Variants in TRIM37 observed in about 807,000 individuals in gnomAD.
TRIM37 encodes E3 ubiquitin-protein ligase TRIM37.
A neutral mutation model predicts 129.8 loss-of-function variants in TRIM37; 80 were observed. The observed-to-expected ratio is 0.62, with a 90% confidence interval of 0.51 to 0.74. TRIM37 has a LOEUF of 0.74. TRIM37 is among the 30% of genes least tolerant of loss of function. The pLI, the probability that TRIM37 is intolerant of heterozygous loss-of-function variation, is 0.00. For missense variants in TRIM37, 1,054 were observed against 1,176.5 expected (o/e 0.90, Z 1.52); for synonymous variants, 389 against 387.1 (o/e 1.00, Z -0.06).
chr17:59,076,768 T>G (rs2146941878), intron 7 of TRIM37, among the ~76,000 whole-genome samples: 1 of 152,302 alleles, frequency 6.6e-6, no homozygotes, highest in South Asian at 2.1e-4. Flanking sequence ...AAACATTTAA[T>G]AGGTAGAACT....
chr17:59,048,587 A>G (rs2040040210), intron 15 of TRIM37, among the ~76,000 whole-genome samples: 2 of 152,144 alleles, frequency 1.3e-5, no homozygotes, highest in African/African-American at 4.8e-5. Flanking sequence ...GAATGAAAAT[A>G]GAACACCTTT....
intron 22 of TRIM37, among the ~76,000 whole-genome samples, chr17:59,009,871 C>A (rs771236567): frequency 2.6e-5 from 4 of 152,170 alleles, no homozygotes; most frequent in Non-Finnish European, 5.9e-5. Context: ...CTGAGAATAA[C>A]AGAATACTGG....
intron 21 of TRIM37, among the ~76,000 whole-genome samples, chr17:59,015,212 CG>C (rs1413918280): frequency 6.6e-6 from 1 of 151,788 alleles, no homozygotes; most frequent in Non-Finnish European, 1.5e-5. Flanking sequence ...CTGAGGTGGG[CG>C]TATCACTTGA....
chr17:58,988,277 G>A (rs1181500643), intron 24 of TRIM37, among the ~76,000 whole-genome samples: 1 of 152,140 alleles, frequency 6.6e-6, no homozygotes, highest in Non-Finnish European at 1.5e-5. Context: ...AGAAAATACT[G>A]TAAAGAGCCC....
the TRIM37 span, chr17:58,972,401 A>G: frequency 9.6e-7 from 1 of 1,044,822 alleles, no homozygotes; most frequent in Non-Finnish European, 1.3e-6. Context: ...CCCAGGCTGG[A>G]GTGCAATGGT....
At chr17:58,975,820 G>C in the TRIM37 span, among the ~76,000 whole-genome samples, 5 of 152,206 alleles carry the variant, frequency 3.3e-5, no homozygotes, top group African/African-American at 1.2e-4. Context: ...AGCTGGGCTA[G>C]AGTAGAAAGA....
At chr17:59,069,556 A>C (rs184024959) in intron 9 of TRIM37, among the ~76,000 whole-genome samples, 36 of 152,222 alleles carry the variant, frequency 2.4e-4, no homozygotes, top group Admixed American at 1.6e-3. Flanking sequence ...TCATCTCTCT[A>C]AGATAAAGTC....
At chr17:59,082,008 G>A (rs929366017) in intron 5 of TRIM37, among the ~76,000 whole-genome samples, 8 of 148,432 alleles carry the variant, frequency 5.4e-5, no homozygotes, top group Admixed American at 1.3e-4. Flanking sequence ...GGTGGCTCAC[G>A]CCTGTAATCC....
At chr17:59,023,997 T>C (rs1220496766) in intron 19 of TRIM37, among the ~76,000 whole-genome samples, 2 of 151,920 alleles carry the variant, frequency 1.3e-5, no homozygotes, top group African/African-American at 4.8e-5. Flanking sequence ...GTGGATCACC[T>C]GAGGTCAGGA....
intron 13 of TRIM37, among the ~76,000 whole-genome samples, chr17:59,054,577 C>G (rs1007740483): frequency 4.6e-5 from 7 of 152,190 alleles, no homozygotes; most frequent in Admixed American, 4.6e-4. Context: ...GCTGGGATTA[C>G]AGGCGTGAGC....
intron 16 of TRIM37, among the ~76,000 whole-genome samples, chr17:59,046,959 C>T (rs1241838527): frequency 6.6e-6 from 1 of 150,988 alleles, no homozygotes; most frequent in Non-Finnish European, 1.5e-5. Context: ...TCAAGACCAA[C>T]CTGGCTAACA....
chr17:59,042,637 C>T (rs956742361), intron 16 of TRIM37, among the ~76,000 whole-genome samples: 1 of 150,686 alleles, frequency 6.6e-6, no homozygotes, highest in African/African-American at 2.4e-5. Context: ...GTGGTGGGGA[C>T]CTGTAATCCC....
intron 2 of TRIM37, among the ~76,000 whole-genome samples, chr17:59,095,501 T>C (rs141846120): frequency 1.3e-5 from 2 of 152,274 alleles, no homozygotes; most frequent in Non-Finnish European, 2.9e-5. Flanking sequence ...GAAAACACTC[T>C]TTTAAATACT....
intron 17 of TRIM37, among the ~76,000 whole-genome samples, chr17:59,032,925 G>A (rs1397146933): frequency 6.6e-6 from 1 of 152,154 alleles, no homozygotes; most frequent in Non-Finnish European, 1.5e-5. Flanking sequence ...GGACTGTCAT[G>A]TTAATGACTG....
At chr17:59,029,802 T>A (rs2037642323) in intron 18 of TRIM37, among the ~76,000 whole-genome samples, 1 of 151,776 alleles carries the variant, frequency 6.6e-6, no homozygotes, top group African/African-American at 2.4e-5. Context: ...AAACAAACAA[T>A]CAATCAAACA....
intron 15 of TRIM37, among the ~76,000 whole-genome samples, chr17:59,048,509 T>A (rs901452032): frequency 1.3e-5 from 2 of 152,256 alleles, no homozygotes; most frequent in African/African-American, 4.8e-5. Context: ...GGATAGAACC[T>A]GGCTAGCTAC....
chr17:59,012,126 G>A (rs2035330862), intron 22 of TRIM37, among the ~76,000 whole-genome samples: 1 of 151,976 alleles, frequency 6.6e-6, no homozygotes, highest in South Asian at 2.1e-4. Flanking sequence ...AGTGGCACAA[G>A]GAATGTTGTG....
chr17:59,093,944 G>A (rs1455716897), intron 2 of TRIM37, among the ~76,000 whole-genome samples: 6 of 152,004 alleles, frequency 3.9e-5, no homozygotes, highest in Non-Finnish European at 8.8e-5. Context: ...CCCCAGGCTT[G>A]AGTGCAGTGG....
At chr17:58,976,645 G>C in the TRIM37 span, among the ~76,000 whole-genome samples, 53 of 152,314 alleles carry the variant, frequency 3.5e-4, 1 homozygote, top group East Asian at 0.01. Flanking sequence ...ACAAAAGGAT[G>C]TTGCCATTTC....
Sources: allele counts gnomAD v4.1 joint callset (sites outside exome capture counted in the v4.1 genomes callset), GRCh38; gene constraint gnomAD v4.1.1; transcripts MANE v1.5; gene names NCBI Gene and HGNC (gene_info 2026-07-23, HGNC 2026-07-21).